Variants in DNAH10 observed in about 807,000 individuals in gnomAD.
The protein encoded by DNAH10 is dynein axonemal heavy chain 10.
Under a neutral mutation model 506.6 loss-of-function variants are expected in DNAH10, and 348 were observed. That is an observed-to-expected ratio of 0.69 (90% CI 0.63 to 0.75). DNAH10 has a LOEUF of 0.75. DNAH10 is among the 30% of genes least tolerant of loss of function. DNAH10 has a pLI of 0.00. For missense variants in DNAH10, 5,179 were observed against 5,787.1 expected, an observed-to-expected ratio of 0.89 and a Z score of 3.41; for synonymous variants, 2,059 against 2,198.6, an observed-to-expected ratio of 0.94 and a Z score of 1.78.
chr12:123,926,897 G>C lies in DNAH10; in HGVS notation c.12105+77G>C. The C allele has an allele frequency of 6.6e-7, 1 of 1,525,270 alleles. No homozygotes were observed. Among genetic ancestry groups the C allele is most frequent in the Non-Finnish European group, 8.8e-7 (1 of 1,135,712 alleles). 94.5% of individuals were successfully genotyped at this position (1,525,270 alleles called of 1,614,324 possible). ...GTCTGCTAAGAAGGAGCTAACCTGG[G>C]TTTAAGCTGAGTGCCACGCCACAAA... On this transcript the variant is annotated intron_variant, in intron 69 of 78. Coordinates refer to ENST00000673944, the MANE Select transcript of DNAH10 (RefSeq NM_001372106.1). This position sits in a 1 kb window ranked among gnomAD's most constrained non-coding sequence, Gnocchi z 4.1.
intron 17 of DNAH10, among the ~76,000 whole-genome samples, chr12:123,804,588 T>C (rs368772840): frequency 6.6e-6 from 1 of 151,100 alleles, no homozygotes. Context: ...ATTCAAGATA[T>C]GTCAACAATG....
intron 33 of DNAH10, among the ~76,000 whole-genome samples, chr12:123,848,456 A>G (rs550483499): frequency 1.3e-5 from 2 of 152,216 alleles, no homozygotes; most frequent in Non-Finnish European, 2.9e-5. Flanking sequence ...AAGTGGACCC[A>G]GCATTGCTAG....
chr12:123,900,775 T>A (rs1486140665), intron 56 of DNAH10, among the ~76,000 whole-genome samples: 1 of 152,166 alleles, frequency 6.6e-6, no homozygotes, highest in Non-Finnish European at 1.5e-5. Flanking sequence ...CTTTCTTGGC[T>A]CTGCTGTCTT....
intron 1 of DNAH10, among the ~76,000 whole-genome samples, chr12:123,764,275 G>A (rs1408503644): frequency 1.3e-5 from 2 of 152,150 alleles, no homozygotes; most frequent in African/African-American, 4.8e-5. Context: ...GTGCCATCTG[G>A]AGAGAGGACC....
rs1189080095 is a variant in DNAH10, at chr12:123,853,699, CAA to C, written c.6438+350_6438+351del. Reference sequence around the variant, plus strand: ...GTGAGTTGTTATTTTCTCTTTGAAACAAAAGAGGGGAACAATTGTGTTTTTTT... The same window carrying C: ...GTGAGTTGTTATTTTCTCTTTGAAACAAGAGGGGAACAATTGTGTTTTTTT... On this transcript the variant is annotated intron_variant, in intron 36 of 78. Transcript: ENST00000673944. This position sits in a 1 kb window ranked among gnomAD's most constrained non-coding sequence, Gnocchi z 4.7. 2.0e-5 allele frequency among the ~76,000 whole-genome samples: 3 copies of C among 152,040 alleles called. No homozygotes were observed. Among genetic ancestry groups the C allele is most frequent in the African/African-American group, 2.4e-5 (1 of 41,402 alleles).
At position 123,850,929 on chromosome 12, in the gene DNAH10, C is replaced by T; in HGVS notation, c.6144C>T (p.Ile2048=). 1.2e-6 allele frequency: 2 copies of T among 1,613,874 alleles called. No individual in the cohort carries two copies. Among genetic ancestry groups the T allele is most frequent in the Non-Finnish European group, 1.7e-6 (2 of 1,179,852 alleles). The part of the protein sequence containing the change: ...QEISLDSRMG[I]FITMNPGYAG... ...TTTCCCTGGACTCCCGCATGGGCATCTTCATCACCATGAACCCCGGCTACG... is the reference window on the plus strand; with the variant it reads ...TTTCCCTGGACTCCCGCATGGGCATTTTCATCACCATGAACCCCGGCTACG... Residue 2048 remains isoleucine (I), a synonymous_variant, in exon 35 of 79, where the codon ATC becomes ATT. Coordinates refer to ENST00000673944, the MANE Select transcript of DNAH10 (RefSeq NM_001372106.1). The surrounding 1 kb of genome is among the most constrained non-coding windows in gnomAD (Gnocchi z 5.5).
chr12:123,887,905 C>T (rs545494879), intron 52 of DNAH10, among the ~76,000 whole-genome samples: 44 of 152,208 alleles, frequency 2.9e-4, no homozygotes, highest in Non-Finnish European at 1.8e-4. Context: ...CCACCATGCC[C>T]GGCTAATTTT....
Position 123,821,806 on chromosome 12 carries a change from T to C in DNAH10, c.4179+1048T>C, listed in dbSNP as rs543317470. 5.9e-5 allele frequency among the ~76,000 whole-genome samples: 9 copies of C among 152,182 alleles called. No homozygotes were observed. In the East Asian group the frequency reaches 1.7e-3, roughly 29 times the overall value. ...CGTGTCAGCCTGGTGTGGTGGCTCA[T>C]GCTTGTAATCCCAGCACTTTGGGAG... On this transcript the variant is annotated intron_variant, in intron 24 of 78. Coordinates refer to ENST00000673944, the MANE Select transcript of DNAH10 (RefSeq NM_001372106.1).
rs943996620 is a variant in DNAH10, at chr12:123,928,751, A to G, written c.12306+164A>G. 2.5e-6 allele frequency: 2 copies of G among 788,592 alleles called. No homozygotes were observed. The highest frequency in any genetic ancestry group is 5.7e-5 in the Admixed American group (2 of 34,938). The allele number at this position is 788,592 out of a possible 1,614,324, so 48.8% of individuals were successfully genotyped here. Reference sequence around the variant, plus strand: ...TTCTCAATCCCACCTCTCTCTTTAGAGGGAGCCGCTGTCCTGGGTTGGGTG... The same window carrying G: ...TTCTCAATCCCACCTCTCTCTTTAGGGGGAGCCGCTGTCCTGGGTTGGGTG... On this transcript the variant is annotated intron_variant, in intron 70 of 78. Transcript: ENST00000673944. The surrounding 1 kb of genome is among the most constrained non-coding windows in gnomAD (Gnocchi z 4.9).
In DNAH10 at chr12:123,920,000, G is replaced by A. The variant is rs987405962; in HGVS notation, c.11506+1051G>A. ...CTAGAAAGGGAACTGCTGGGTCATA[G>A]GGTAATTCTATGTCTAACTTTTGAG... On this transcript the variant is annotated intron_variant, in intron 65 of 78. Transcript: ENST00000673944. This position sits in a 1 kb window ranked among gnomAD's most constrained non-coding sequence, Gnocchi z 4.9. Among the ~76,000 whole-genome samples the A allele has an allele frequency of 6.6e-6, 1 of 152,192 alleles. No individual in the cohort carries two copies. The highest frequency in any genetic ancestry group is 1.5e-5 in the Non-Finnish European group (1 of 68,036).
At position 123,928,077 on chromosome 12, in the gene DNAH10, G is replaced by T. The variant is rs545817123; in HGVS notation, c.12106-310G>T. 1 of 483,804 alleles carries T rather than the reference G, an allele frequency of 2.1e-6. No homozygotes were observed. Among genetic ancestry groups the T allele is most frequent in the South Asian group, 2.6e-5 (1 of 38,154 alleles). The allele number at this position is 483,804 out of a possible 1,614,324, so 30.0% of individuals were successfully genotyped here. On this transcript the variant is annotated intron_variant, in intron 69 of 78. Coordinates refer to ENST00000673944, the MANE Select transcript of DNAH10 (RefSeq NM_001372106.1). This position sits in a 1 kb window ranked among gnomAD's most constrained non-coding sequence, Gnocchi z 4.9. ...GCTGGTCTCTTGCAGCCCTGCTCAG[G>T]AGTCCTCAGGGGACAGGAGCGACTG...
rs1225245434 is a variant in DNAH10, at chr12:123,838,667, G to A, written c.5114G>A (p.Cys1705Tyr). Residue 1705 changes from cysteine (C) to tyrosine (Y), a missense_variant, in exon 29 of 79, where the codon TGC becomes TAC. Around this residue, in one of 3 missense-constraint regions of DNAH10, gnomAD observed 4,844 missense variants for 5,430.5 expected, o/e 0.89. Coordinates refer to ENST00000673944, the MANE Select transcript of DNAH10 (RefSeq NM_001372106.1). ...LSILGSSDPL[C>Y]VQEHMIKMYD... ...ATTCTGGGGAGCAGCGACCCACTCT[G>A]CGTCCAGGAGCACATGATCAAGGTC... 5.6e-6 allele frequency: 9 copies of A among 1,613,794 alleles called. No individual in the cohort carries two copies. In the Admixed American group the frequency reaches 8.3e-5, roughly 15 times the overall value.
intron 77 of DNAH10, chr12:123,934,399 G>C (rs1566130624): frequency 3.0e-6 from 2 of 671,832 alleles, no homozygotes; most frequent in Non-Finnish European, 5.3e-6. Flanking sequence ...CCATTTCTCT[G>C]GGCCATGGGG....
At chr12:123,798,241 C>T (rs1958351489) in intron 13 of DNAH10, among the ~76,000 whole-genome samples, 1 of 152,172 alleles carries the variant, frequency 6.6e-6, no homozygotes, top group Non-Finnish European at 1.5e-5. Flanking sequence ...TATAAAGAAA[C>T]TGGGTAATTT....
In DNAH10 at chr12:123,907,533, C is replaced by T. The variant is rs1306621574; in HGVS notation, c.9816-1728C>T. 5.3e-5 allele frequency among the ~76,000 whole-genome samples: 8 copies of T among 152,160 alleles called. No homozygotes were observed. Among genetic ancestry groups the T allele is most frequent in the Non-Finnish European group, 8.8e-5 (6 of 68,038 alleles). ...GATAAGTGAGATCCCAGAGCGTGGC[C>T]TGCAACCCAACAGCAGAAAACGTCA... On this transcript the variant is annotated intron_variant, in intron 57 of 78. Coordinates refer to ENST00000673944, the MANE Select transcript of DNAH10 (RefSeq NM_001372106.1). This position sits in a 1 kb window ranked among gnomAD's most constrained non-coding sequence, Gnocchi z 4.4.
rs1234839487 is a variant in DNAH10, at chr12:123,881,820, C to T, written c.8823+7C>T. On this transcript the variant is annotated splice_region_variant and intron_variant, in intron 51 of 78. Coordinates refer to ENST00000673944, the MANE Select transcript of DNAH10 (RefSeq NM_001372106.1). ...CTTCACAGCCAGCTGTGAGGTCAGT[C>T]CACGTACCCTCCCAGAAATAGGTTT... The T allele has an allele frequency of 1.4e-6, 2 of 1,472,614 alleles. No individual in the cohort carries two copies. The highest frequency in any genetic ancestry group is 3.0e-5 in the Admixed American group (1 of 33,632). 91.2% of individuals were successfully genotyped at this position (1,472,614 alleles called of 1,614,324 possible).
At chr12:123,898,093 G>A (rs1406783766) in intron 55 of DNAH10, 126 bp downstream of exon 55, 1 of 924,732 alleles carries the variant, frequency 1.1e-6, no homozygotes, top group East Asian at 3.0e-5. Flanking sequence ...GCACATCTTG[G>A]ATTTTGTGTC....
At chr12:123,865,318 C>T (rs1922259) in intron 40 of DNAH10, among the ~76,000 whole-genome samples, 4 of 151,718 alleles carry the variant, frequency 2.6e-5, no homozygotes, top group Admixed American at 6.6e-5. Flanking sequence ...CCCTTTATTT[C>T]CTGGAGGCTA....
chr12:123,931,729 A>G lies in DNAH10; in HGVS notation c.13010A>G (p.Gln4337Arg). ...ATGCCCAAAGTCTTTGACTTGGACC[A>G]GGTGAGGAAGCGCCTCGGAACAGGA... is the stretch of plus-strand genomic sequence containing the variant. The part of the protein sequence containing the change: ...NKMPKVFDLD[Q>R]VRKRLGTGLS... Residue 4337 changes from glutamine (Q) to arginine (R), a missense_variant, in exon 75 of 79, where the codon CAG becomes CGG. Transcript: ENST00000673944. 6.2e-7 allele frequency: 1 copy of G among 1,614,068 alleles called. No individual in the cohort carries two copies. Among genetic ancestry groups the G allele is most frequent in the Non-Finnish European group, 8.5e-7 (1 of 1,179,906 alleles).
Sources: gnomAD v4.1 joint callset for allele counts (sites outside exome capture counted in the v4.1 genomes callset) on GRCh38, gnomAD v4.1.1 for gene constraint, gnomAD v4.1.1 regional missense constraint, Gnocchi (gnomAD v3.1) non-coding constraint, MANE v1.5 for transcripts, NCBI Gene and HGNC (gene_info 2026-07-23, HGNC 2026-07-21) for gene names.